Variants in CYP7B1 observed in about 807,000 individuals in gnomAD.
CYP7B1 encodes the protein cytochrome P450 family 7 subfamily B member 1, also known as cytochrome P450 7B1.
A neutral mutation model predicts 42.7 loss-of-function variants in CYP7B1; 29 were observed. That is an observed-to-expected ratio of 0.68 (90% CI 0.51 to 0.93). The LOEUF (loss-of-function observed/expected upper bound fraction) is 0.93, where lower values mean the gene tolerates loss of function less well. CYP7B1 is among the 40% of genes least tolerant of loss of function. CYP7B1 has a pLI of 0.00. For missense variants in CYP7B1, 655 were observed against 600.5 expected (o/e 1.09, Z -0.95); for synonymous variants, 235 against 218.2 (o/e 1.08, Z -0.68).
chr8:64,700,108 C>T (rs527541010), intron 1 of CYP7B1, among the ~76,000 whole-genome samples: 5 of 152,194 alleles, frequency 3.3e-5, no homozygotes, highest in East Asian at 1.9e-4. Flanking sequence ...ACAGTGGGGA[C>T]GACGCATAGA....
At chr8:64,654,237 G>A (rs1806086531) in intron 1 of CYP7B1, among the ~76,000 whole-genome samples, 1 of 152,180 alleles carries the variant, frequency 6.6e-6, no homozygotes, top group Non-Finnish European at 1.5e-5. Flanking sequence ...AACTATCCCT[G>A]TTTGCAGACA....
intron 1 of CYP7B1, among the ~76,000 whole-genome samples, chr8:64,762,434 G>T (rs1228425557): frequency 6.6e-6 from 1 of 152,094 alleles, no homozygotes; most frequent in Non-Finnish European, 1.5e-5. Flanking sequence ...AATTTCTGTA[G>T]TGCTGATAAT....
downstream of CYP7B1, among the ~76,000 whole-genome samples, chr8:64,586,964 C>T (rs559118352): frequency 5.9e-5 from 9 of 152,228 alleles, no homozygotes; most frequent in East Asian, 1.6e-3. Context: ...AACAAGGAGT[C>T]AGTAACTTCA....
chr8:64,701,984 A>G (rs539595188), intron 1 of CYP7B1, among the ~76,000 whole-genome samples: 2 of 152,162 alleles, frequency 1.3e-5, no homozygotes, highest in South Asian at 4.1e-4. Context: ...GATCGACACA[A>G]TGGCATTGAA....
intron 1 of CYP7B1, among the ~76,000 whole-genome samples, chr8:64,752,310 T>C (rs1807739836): frequency 6.6e-6 from 1 of 152,122 alleles, no homozygotes; most frequent in African/African-American, 2.4e-5. Flanking sequence ...TACAAACAGG[T>C]CTACATATTT....
chr8:64,770,161 T>G (rs935339427), intron 1 of CYP7B1, among the ~76,000 whole-genome samples: 7 of 152,154 alleles, frequency 4.6e-5, no homozygotes, highest in African/African-American at 1.7e-4. Context: ...CATGCACTAC[T>G]CTAAGAACAT....
intron 1 of CYP7B1, among the ~76,000 whole-genome samples, chr8:64,672,101 G>A (rs1025065183): frequency 1.3e-5 from 2 of 152,046 alleles, no homozygotes; most frequent in Non-Finnish European, 2.9e-5. Context: ...TACATAGTAT[G>A]CACTCAATAA....
downstream of CYP7B1, among the ~76,000 whole-genome samples, chr8:64,589,357 T>C (rs558059032): frequency 3.0e-4 from 45 of 152,212 alleles, no homozygotes; most frequent in Non-Finnish European, 2.8e-4. Flanking sequence ...TTTCTTTAAG[T>C]CTAAACTTAG....
At chr8:64,781,384 C>T (rs1804421539) in intron 1 of CYP7B1, among the ~76,000 whole-genome samples, 1 of 152,046 alleles carries the variant, frequency 6.6e-6, no homozygotes, top group African/African-American at 2.4e-5. Context: ...ATTTTTTTTA[C>T]ATTTCTGTGG....
intron 1 of CYP7B1, among the ~76,000 whole-genome samples, chr8:64,745,530 C>T (rs1585890837): frequency 1.3e-5 from 2 of 152,120 alleles, no homozygotes; most frequent in African/African-American, 4.8e-5. Flanking sequence ...AGCTTTGCCA[C>T]CAGAGTTAAT....
intron 1 of CYP7B1, among the ~76,000 whole-genome samples, chr8:64,699,433 A>C (rs1414308091): frequency 1.3e-5 from 2 of 152,148 alleles, no homozygotes; most frequent in East Asian, 3.9e-4. Context: ...ATGTTCCAAA[A>C]ATACACTTTA....
intron 1 of CYP7B1, among the ~76,000 whole-genome samples, chr8:64,779,958 C>T (rs1191540233): frequency 6.6e-6 from 1 of 152,076 alleles, no homozygotes. Flanking sequence ...TAAATATGTA[C>T]TGTTATACAT....
intron 1 of CYP7B1, among the ~76,000 whole-genome samples, chr8:64,664,151 T>C (rs957328023): frequency 6.6e-6 from 1 of 152,044 alleles, no homozygotes; most frequent in Non-Finnish European, 1.5e-5. Flanking sequence ...TGAAGTCACC[T>C]GGGGGATGTA....
intron 1 of CYP7B1, among the ~76,000 whole-genome samples, chr8:64,673,711 C>T (rs773473227): frequency 1.3e-4 from 20 of 151,998 alleles, no homozygotes; most frequent in Non-Finnish European, 2.1e-4. Flanking sequence ...GAGTTCTTAA[C>T]CATAATAAAC....
At chr8:64,598,929 T>C (rs1805158019) in intron 5 of CYP7B1, among the ~76,000 whole-genome samples, 1 of 152,236 alleles carries the variant, frequency 6.6e-6, no homozygotes, top group African/African-American at 2.4e-5. Flanking sequence ...CATAAATATA[T>C]TTTTAGTTAA....
intron 1 of CYP7B1, among the ~76,000 whole-genome samples, chr8:64,688,872 G>A (rs139696336): frequency 1.3e-5 from 2 of 152,280 alleles, no homozygotes; most frequent in Admixed American, 6.5e-5. Context: ...GCTGCAATGA[G>A]TTATGATTGT....
intron 1 of CYP7B1, among the ~76,000 whole-genome samples, chr8:64,653,259 T>C (rs1806067800): frequency 6.6e-6 from 1 of 152,032 alleles, no homozygotes; most frequent in Non-Finnish European, 1.5e-5. Context: ...CTACCTAGAC[T>C]AATAAAGAAG....
chr8:64,643,088 T>TGTATATATATACACATATATATAC (rs1491183776), intron 1 of CYP7B1, among the ~76,000 whole-genome samples: 4,127 of 109,630 alleles, frequency 0.038, 136 homozygotes, highest in Non-Finnish European at 0.055. Context: ...TGTGTGTGTG[T>TGTATATATATACACATATATATAC]ATATATATAC....
intron 1 of CYP7B1, among the ~76,000 whole-genome samples, chr8:64,788,943 T>G (rs1374642967): frequency 6.6e-6 from 1 of 152,162 alleles, no homozygotes. Flanking sequence ...TATTTTCAGA[T>G]GCAGTCTCAC....
Sources: gnomAD v4.1 joint callset for allele counts (sites outside exome capture counted in the v4.1 genomes callset) on GRCh38, gnomAD v4.1.1 for gene constraint, MANE v1.5 for transcripts, NCBI Gene and HGNC (gene_info 2026-07-23, HGNC 2026-07-21) for gene names.